The following CCDC170 variants were observed in gnomAD, a reference collection of about 807,000 sequenced individuals.
The protein encoded by CCDC170 is coiled-coil domain-containing protein 170.
CCDC170 carries 69 observed loss-of-function variants against 72.6 expected under a neutral mutation model. The ratio of observed to expected loss-of-function variants is 0.95; its 90% CI spans 0.78 to 1.16. The LOEUF is 1.16. CCDC170 is among the 50% of genes most tolerant of loss of function. The pLI, the probability that CCDC170 is intolerant of heterozygous loss-of-function variation, is 0.00. For missense variants in CCDC170, 852 were observed against 832.5 expected, an observed-to-expected ratio of 1.02 and a Z score of -0.29; for synonymous variants, 300 against 303.9, an observed-to-expected ratio of 0.99 and a Z score of 0.13.
intron 9 of CCDC170, among the ~76,000 whole-genome samples, chr6:151,611,542 G>A (rs994784572): frequency 4.7e-5 from 7 of 149,688 alleles, no homozygotes; most frequent in African/African-American, 1.5e-4. Flanking sequence ...ATTCAAGATG[G>A]CTCTGCCTTC....
intron 4 of CCDC170, among the ~76,000 whole-genome samples, chr6:151,546,737 T>G (rs750002000): frequency 6.6e-6 from 1 of 152,176 alleles, no homozygotes; most frequent in Non-Finnish European, 1.5e-5. Flanking sequence ...GAGGCGACAA[T>G]AAAGCCTCTC....
chr6:151,529,221 G>T (rs1782456907), intron 1 of CCDC170, among the ~76,000 whole-genome samples: 1 of 152,090 alleles, frequency 6.6e-6, no homozygotes, highest in South Asian at 2.1e-4. Flanking sequence ...ATGTCTTAAG[G>T]ATATTACCAT....
At position 151,548,340 on chromosome 6, in the gene CCDC170, G is replaced by T. The variant is rs755004621; in HGVS notation, c.625G>T (p.Gly209Ter). 1.3e-6 allele frequency: 2 copies of T among 1,598,138 alleles called. No homozygotes were observed. The highest frequency in any genetic ancestry group is 1.1e-5 in the South Asian group (1 of 88,564). Reference sequence around the variant, plus strand: ...GCGCAAAGAAAATGAATTCGTGAAAGGACAAATTGTTATTCTTGAAGAGAC... The same window carrying T: ...GCGCAAAGAAAATGAATTCGTGAAATGACAAATTGTTATTCTTGAAGAGAC... ...DLRKENEFVKGQIVILEETIN... is the reference protein window; with the variant it reads ...DLRKENEFVK Residue 209 changes from glycine (G) to a stop codon, truncating the protein, a stop_gained, in exon 5 of 11, where the codon GGA becomes TGA. Transcript: ENST00000239374. LOFTEE classifies it high-confidence loss of function.
chr6:151,565,969 C>T (rs374426935), intron 5 of CCDC170, among the ~76,000 whole-genome samples: 48 of 152,256 alleles, frequency 3.2e-4, no homozygotes, highest in African/African-American at 8.9e-4. Flanking sequence ...TGGGAACTGT[C>T]GGTGGTTGTC....
At chr6:151,533,076 T>C (rs1782514690) in intron 1 of CCDC170, among the ~76,000 whole-genome samples, 2 of 141,684 alleles carry the variant, frequency 1.4e-5, no homozygotes, top group Non-Finnish European at 1.5e-5. Flanking sequence ...TTTTTTGAGA[T>C]GGAGTCTCGC....
intron 5 of CCDC170, among the ~76,000 whole-genome samples, chr6:151,559,550 T>C (rs1389311927): frequency 3.3e-5 from 5 of 152,238 alleles, no homozygotes; most frequent in African/African-American, 1.2e-4. Context: ...TGTATGTTTA[T>C]TTTGTATTCT....
intron 9 of CCDC170, among the ~76,000 whole-genome samples, chr6:151,603,007 G>T (rs1241140923): frequency 6.6e-6 from 1 of 151,972 alleles, no homozygotes; most frequent in Non-Finnish European, 1.5e-5. Context: ...CACCATGTTG[G>T]CCAGGCTGGT....
intron 6 of CCDC170, among the ~76,000 whole-genome samples, chr6:151,582,307 G>T (rs1776389542): frequency 6.6e-6 from 1 of 152,162 alleles, no homozygotes; most frequent in Admixed American, 6.5e-5. Flanking sequence ...GCTTTATCTT[G>T]TACTTTTATG....
chr6:151,554,723 CAAAA>C (rs1007819794), intron 5 of CCDC170, among the ~76,000 whole-genome samples: 1 of 150,682 alleles, frequency 6.6e-6, no homozygotes, highest in Non-Finnish European at 1.5e-5. Context: ...GACTCTGTCT[CAAAA>C]AAAAGAGAGA....
chr6:151,514,154 A>G (rs1045144752), intron 1 of CCDC170, among the ~76,000 whole-genome samples: 4 of 151,632 alleles, frequency 2.6e-5, no homozygotes, highest in African/African-American at 9.7e-5. Flanking sequence ...TACAAAAATT[A>G]GCTGGGCGTG....
chr6:151,594,656 C>CT (rs553181579), intron 8 of CCDC170, among the ~76,000 whole-genome samples: 4,414 of 143,364 alleles, frequency 0.031, 221 homozygotes, highest in African/African-American at 0.1. Context: ...CTTTTCTTTT[C>CT]TTTTTTTTTT....
intron 1 of CCDC170, among the ~76,000 whole-genome samples, chr6:151,524,119 T>G (rs1246292631): frequency 6.6e-6 from 1 of 152,208 alleles, no homozygotes; most frequent in East Asian, 1.9e-4. Flanking sequence ...CACCCTGACC[T>G]CCTAGTGCAC....
chr6:151,521,699 T>C (rs1782318786), intron 1 of CCDC170, among the ~76,000 whole-genome samples: 1 of 152,124 alleles, frequency 6.6e-6, no homozygotes, highest in Admixed American at 6.5e-5. Flanking sequence ...AGCGTAAGTT[T>C]CGGGCCAGGC....
At chr6:151,561,552 G>T (rs1444189089) in intron 5 of CCDC170, among the ~76,000 whole-genome samples, 2 of 151,962 alleles carry the variant, frequency 1.3e-5, no homozygotes, top group South Asian at 4.1e-4. Context: ...ATCTCTTCTG[G>T]CTTGTAAAGT....
intron 9 of CCDC170, among the ~76,000 whole-genome samples, chr6:151,598,115 C>T (rs1330415659): frequency 1.3e-5 from 2 of 152,092 alleles, no homozygotes; most frequent in African/African-American, 4.8e-5. Context: ...GAGAAGGACA[C>T]ATCTGAATAC....
In CCDC170 at chr6:151,586,960, A is replaced by G. The variant is rs571565678; in HGVS notation, c.1293+871A>G. On this transcript the variant is annotated intron_variant, in intron 7 of 10. Coordinates refer to ENST00000239374, the MANE Select transcript of CCDC170 (RefSeq NM_025059.4). ...CCACCACGCCCGGCTAATTTTTTGT[A>G]TTTTTAGTAGAGACGGGGTATCACT... 9.1e-4 allele frequency among the ~76,000 whole-genome samples: 138 copies of G among 151,748 alleles called. 1 individual carries two copies. Among genetic ancestry groups the G allele is most frequent in the African/African-American group, 3.1e-3 (129 of 41,382 alleles).
Position 151,606,959 on chromosome 6 carries a change from T to C in CCDC170, c.1711-8484T>C, listed in dbSNP as rs1562298156. ...TTTTGGCTTTTGTTTGCTGAAATTA[T>C]CTTTTTCTATCTGTTCACATTCAGT... On this transcript the variant is annotated intron_variant, in intron 9 of 10. Coordinates refer to ENST00000239374, the MANE Select transcript of CCDC170 (RefSeq NM_025059.4). Among the ~76,000 whole-genome samples the C allele has an allele frequency of 3.3e-5, 5 of 152,204 alleles. No individual in the cohort carries two copies. The South Asian group carries it at 8.3e-4, about 25-fold the overall frequency.
intron 4 of CCDC170, among the ~76,000 whole-genome samples, chr6:151,545,690 A>G (rs1345489705): frequency 6.6e-6 from 1 of 152,096 alleles, no homozygotes; most frequent in African/African-American, 2.4e-5. Context: ...GCTGGAGTAC[A>G]GTGATATGAT....
chr6:151,612,876 T>G (rs1346484481), intron 9 of CCDC170, among the ~76,000 whole-genome samples: 1 of 152,158 alleles, frequency 6.6e-6, no homozygotes, highest in African/African-American at 2.4e-5. Flanking sequence ...AATAATGCTT[T>G]TTCTTTGAGA....
Sources: allele counts gnomAD v4.1 joint callset (sites outside exome capture counted in the v4.1 genomes callset), GRCh38; gene constraint gnomAD v4.1.1; transcripts MANE v1.5; gene names NCBI Gene and HGNC (gene_info 2026-07-23, HGNC 2026-07-21).